AZIN2: variants seen among roughly 807,000 people sequenced by gnomAD.
AZIN2 encodes antizyme inhibitor 2, also known as ODC antizyme inhibitor-2.
In AZIN2, 28 loss-of-function variants were observed where a neutral mutation model predicts 47.8. That is an observed-to-expected ratio of 0.59 (90% CI 0.43 to 0.80). AZIN2 has a LOEUF of 0.80. Among genes scored for constraint, AZIN2 ranks in the 30% least tolerant of loss-of-function variants. AZIN2 has a pLI of 0.00. For synonymous variants in AZIN2, 221 were observed against 239.4 expected, an observed-to-expected ratio of 0.92 and a Z score of 0.71; for missense variants, 535 against 582.5, an observed-to-expected ratio of 0.92 and a Z score of 0.84.
chr1:33,137,131 C>G, the AZIN2 span, among the ~76,000 whole-genome samples: 1 of 152,144 alleles, frequency 6.6e-6, no homozygotes, highest in Non-Finnish European at 1.5e-5. Flanking sequence ...GAAAACATCT[C>G]TTCTGTTTGG....
chr1:33,136,737 C>T, the AZIN2 span, among the ~76,000 whole-genome samples: 1 of 151,540 alleles, frequency 6.6e-6, no homozygotes, highest in Non-Finnish European at 1.5e-5. Flanking sequence ...CGGTGGCTCA[C>T]GCCCGTAATC....
intron 10 of AZIN2, among the ~76,000 whole-genome samples, chr1:33,115,547 T>C (rs1644500036): frequency 6.6e-6 from 1 of 152,016 alleles, no homozygotes; most frequent in Admixed American, 6.6e-5. Context: ...CTACTAAAAC[T>C]ACAAAAATTA....
chr1:33,087,224 C>T (rs1642015618), intron 5 of AZIN2, among the ~76,000 whole-genome samples: 2 of 151,744 alleles, frequency 1.3e-5, no homozygotes, highest in South Asian at 4.2e-4. Context: ...ACCTCCACCT[C>T]CCGGGTTCAA....
At chr1:33,092,975 C>T (rs1642736820) in intron 6 of AZIN2, among the ~76,000 whole-genome samples, 1 of 152,218 alleles carries the variant, frequency 6.6e-6, no homozygotes, top group South Asian at 2.1e-4. Context: ...AATGGTTCCT[C>T]TCATACACGA....
chr1:33,164,279 A>G, the AZIN2 span: 7 of 152,392 alleles, frequency 4.6e-5, no homozygotes, highest in Admixed American at 2.6e-4. Context: ...CTGGGTTTCC[A>G]ATGGTGTCTT....
At chr1:33,096,104 C>G (rs1251098251) in intron 8 of AZIN2, among the ~76,000 whole-genome samples, 1 of 152,108 alleles carries the variant, frequency 6.6e-6, no homozygotes, top group African/African-American at 2.4e-5. Context: ...TCCCAAAGTT[C>G]TGGGATTACA....
At chr1:33,091,129 C>T (rs557982633) in intron 5 of AZIN2, among the ~76,000 whole-genome samples, 8 of 152,276 alleles carry the variant, frequency 5.3e-5, no homozygotes, top group South Asian at 2.1e-4. Flanking sequence ...CGTATCTTGG[C>T]GATTGTGGAT....
At chr1:33,104,541 T>TAC (rs200341654) in intron 10 of AZIN2, among the ~76,000 whole-genome samples, 1 of 137,808 alleles carries the variant, frequency 7.3e-6, no homozygotes, top group Non-Finnish European at 1.6e-5. Context: ...TTATCTTTAT[T>TAC]ACATATATAT....
chr1:33,158,245 T>C, the AZIN2 span: 24 of 1,610,426 alleles, frequency 1.5e-5, no homozygotes, highest in Non-Finnish European at 2.0e-5. Context: ...TGATAACCCA[T>C]GCCTTACCTG....
Position 33,097,672 on chromosome 1 carries a change from G to T in AZIN2, c.917-395G>T, listed in dbSNP as rs74064968. On this transcript the variant is annotated intron_variant, in intron 9 of 11. Coordinates refer to ENST00000294517, the MANE Select transcript of AZIN2 (RefSeq NM_052998.4). The stretch of plus-strand genomic sequence containing the variant: ...TCTGGCTTCCTTTATAGACCTGGGG[G>T]ATTGTCCCGTCTGATCCAATCAAGA... Among the ~76,000 whole-genome samples the T allele has an allele frequency of 4.5e-3, 681 of 152,282 alleles. 5 individuals are homozygous for T. The highest frequency in any genetic ancestry group is 0.015 in the African/African-American group (639 of 41,540).
At chr1:33,147,838 C>T in the AZIN2 span, 1 of 1,224,574 alleles carries the variant, frequency 8.2e-7, no homozygotes, top group South Asian at 1.5e-5. The surrounding 1 kb of genome is among the most constrained non-coding windows in gnomAD (Gnocchi z 8.1). Context: ...GGCCTCTGAC[C>T]TGCTGTGTGA....
chr1:33,161,515 G>T, the AZIN2 span, among the ~76,000 whole-genome samples: 2 of 152,158 alleles, frequency 1.3e-5, no homozygotes, highest in Non-Finnish European at 2.9e-5. The surrounding 1 kb of genome is among the most constrained non-coding windows in gnomAD (Gnocchi z 4.3). Flanking sequence ...ACGCGCGGCT[G>T]CTGGCCTGCA....
At chr1:33,087,295 G>A (rs1341109394) in intron 5 of AZIN2, among the ~76,000 whole-genome samples, 7 of 151,756 alleles carry the variant, frequency 4.6e-5, no homozygotes, top group South Asian at 2.1e-4. Context: ...CACGATGCCC[G>A]GCTAATTTTG....
At chr1:33,134,160 C>G in the AZIN2 span, among the ~76,000 whole-genome samples, 1 of 152,240 alleles carries the variant, frequency 6.6e-6, no homozygotes, top group Admixed American at 6.5e-5. Flanking sequence ...GTGGCCCAGC[C>G]CCGTAAGACA....
rs1161027683 is a variant in AZIN2 at position 33,093,287 on chromosome 1, T to C, written c.458T>C (p.Val153Ala). 6.2e-7 allele frequency: 1 copy of C among 1,613,916 alleles called. No homozygotes were observed. Among genetic ancestry groups the C allele is most frequent in the South Asian group, 1.1e-5 (1 of 91,064 alleles). Residue 153 changes from valine to alanine, a missense_variant, in exon 7 of 12, where the codon GTT becomes GCT. Val to Ala is a moderately conservative substitution (Grantham distance 64). This residue lies in a region of AZIN2 where 409 missense variants were observed against 429.0 expected (regional missense o/e 0.95). Transcript: ENST00000294517. ...VVKSHPSAKM[V>A]LCIATDDSHS... is the part of the protein sequence containing the mutation. ...GGCACTGCGTGTCTCATCAGGATGG[T>C]TCTGTGCATTGCTACCGATGACTCC...
chr1:33,128,640 C>G, the AZIN2 span, among the ~76,000 whole-genome samples: 1 of 152,156 alleles, frequency 6.6e-6, no homozygotes, highest in Non-Finnish European at 1.5e-5. Flanking sequence ...TTTAAAGCAT[C>G]AGATGTATTT....
chr1:33,147,542 C>T, the AZIN2 span: 1 of 1,614,040 alleles, frequency 6.2e-7, no homozygotes, highest in Non-Finnish European at 8.5e-7. This position sits in a 1 kb window ranked among gnomAD's most constrained non-coding sequence, Gnocchi z 8.1. Context: ...GCCACCACCA[C>T]CTCCCAGTAG....
chr1:33,159,885 C>T, the AZIN2 span: 13 of 1,610,668 alleles, frequency 8.1e-6, no homozygotes, highest in East Asian at 1.1e-4. This position sits in a 1 kb window ranked among gnomAD's most constrained non-coding sequence, Gnocchi z 4.2. Context: ...GTTCACGCAG[C>T]AGCCGGTGCA....
At chr1:33,111,792 G>C (rs769756069) in intron 10 of AZIN2, among the ~76,000 whole-genome samples, 10 of 151,756 alleles carry the variant, frequency 6.6e-5, no homozygotes, top group Non-Finnish European at 1.3e-4. Flanking sequence ...TTTAGTAGAG[G>C]TGGGGTTTCA....
Sources: allele counts gnomAD v4.1 joint callset (sites outside exome capture counted in the v4.1 genomes callset), GRCh38; gene constraint gnomAD v4.1.1; regional missense constraint gnomAD v4.1.1; non-coding constraint Gnocchi (gnomAD v3.1); transcripts MANE v1.5; gene names NCBI Gene and HGNC (gene_info 2026-07-23, HGNC 2026-07-21).